The following PRR30 variants were observed in gnomAD, a reference collection of about 807,000 sequenced individuals.
The protein encoded by PRR30 is proline-rich protein 30.
For synonymous variants in PRR30, 229 were observed against 222.7 expected (o/e 1.03, Z -0.25); for missense variants, 546 against 525.3 (o/e 1.04, Z -0.39).
rs1672517591 is a variant in PRR30 at position 27,136,857 on chromosome 2, G to C, written c.*234C>G. On this transcript the variant is annotated 3_prime_UTR_variant, in exon 3 of 3. Transcript: ENST00000335524. Reference sequence around the variant, plus strand: ...AGGACGCAAACACAAGTTTCACAGGGTCAGACTTTATTAGATACACGGAGG... The same window carrying C: ...AGGACGCAAACACAAGTTTCACAGGCTCAGACTTTATTAGATACACGGAGG... 3.2e-6 allele frequency: 2 copies of C among 616,400 alleles called. No individual in the cohort carries two copies. Among genetic ancestry groups the C allele is most frequent in the Non-Finnish European group, 2.8e-6 (1 of 357,254 alleles). 38.2% of individuals were successfully genotyped at this position (616,400 alleles called of 1,614,324 possible). A position where few individuals can be genotyped will look rare whatever the true frequency, so the allele number is the denominator to read the frequency against.
At position 27,137,719 on chromosome 2, in the gene PRR30, T is replaced by G; in HGVS notation, c.611A>C (p.Gln204Pro). ...RCVPSEKDPA[Q>P]FRDPGALAQA... is the part of the protein sequence containing the mutation. The stretch of plus-strand genomic sequence containing the variant: ...GGCCAGGGCCCCTGGGTCCCTGAAC[T>G]GTGCAGGATCCTTCTCGCTTGGCAC... Residue 204 changes from glutamine to proline, a missense_variant, in exon 3 of 3, where the codon CAG becomes CCG. Coordinates refer to ENST00000335524, the MANE Select transcript of PRR30 (RefSeq NM_178553.4). The surrounding 1 kb of genome is among the most constrained non-coding windows in gnomAD (Gnocchi z 4.3). The G allele has an allele frequency of 6.2e-7, 1 of 1,613,996 alleles. No homozygotes were observed. The highest frequency in any genetic ancestry group is 8.5e-7 in the Non-Finnish European group (1 of 1,180,026).
In PRR30 at chr2:27,138,092, A is replaced by G. The variant is rs1672548998; in HGVS notation, c.238T>C (p.Ser80Pro). The G allele has an allele frequency of 6.2e-7, 1 of 1,613,912 alleles. No individual in the cohort carries two copies. Among genetic ancestry groups the G allele is most frequent in the South Asian group, 1.1e-5 (1 of 91,072 alleles). Reference sequence around the variant, plus strand: ...GAATAGGGATGTGGAGCAAAGTCAGAATTTGAGTCACAAGAGCCGAATTGG... The same window carrying G: ...GAATAGGGATGTGGAGCAAAGTCAGGATTTGAGTCACAAGAGCCGAATTGG... ...GFQFGSCDSN[S>P]DFAPHPYSPS... Residue 80 changes from serine to proline, a missense_variant, in exon 3 of 3, where the codon TCT becomes CCT. By Grantham distance (74) the Ser-to-Pro change is moderately conservative. Transcript: ENST00000335524.
Position 27,138,296 on chromosome 2 carries a change from G to A in PRR30, c.34C>T (p.Gln12Ter), listed in dbSNP as rs367907710. Reference protein sequence around the residue: ...LPQNKDQVLPQTSVLPGRPTW... With the variant: ...LPQNKDQVLP ...GGGCGCCCAGGGAGCACTGAGGTCT[G>A]TGGCAGCACCTGGTCCTTGTTTTGA... Residue 12 changes from glutamine (Q) to a stop codon, truncating the protein, a stop_gained, in exon 3 of 3, where the codon CAG becomes TAG. Transcript: ENST00000335524. LOFTEE classifies it low-confidence loss of function (END_TRUNC). 6.0e-5 allele frequency: 97 copies of A among 1,609,386 alleles called. No homozygotes were observed. The highest frequency in any genetic ancestry group is 2.2e-5 in the Non-Finnish European group (26 of 1,177,710).
rs1254304577 is a variant in PRR30 at position 27,137,074 on chromosome 2, C to A, written c.*17G>T. ...GGTTTGGAGGGGGTGTTCCAGGGGG[C>A]CTCCGTGGCTCTGGAACTAGACTGA... is the stretch of plus-strand genomic sequence containing the variant. On this transcript the variant is annotated 3_prime_UTR_variant, in exon 3 of 3. Transcript: ENST00000335524. This position sits in a 1 kb window ranked among gnomAD's most constrained non-coding sequence, Gnocchi z 4.3. The A allele has an allele frequency of 1.2e-6, 2 of 1,606,914 alleles. No individual in the cohort carries two copies. Among genetic ancestry groups the A allele is most frequent in the South Asian group, 1.1e-5 (1 of 90,812 alleles).
In PRR30 at chr2:27,137,841, G is replaced by A. The variant is rs745593024; in HGVS notation, c.489C>T (p.Ser163=). ...TAGAGTGGAGCCTATGAGAAGGTGGGCTGGGGCCTGGGGAAGTGAGTGTGG... is the reference window on the plus strand; with the variant it reads ...TAGAGTGGAGCCTATGAGAAGGTGGACTGGGGCCTGGGGAAGTGAGTGTGG... ...HSSTLTSPGP[S]PPSHRLHSNR... is the part of the protein sequence containing the mutation. Residue 163 remains serine (S), a synonymous_variant, in exon 3 of 3, where the codon AGC becomes AGT. Transcript: ENST00000335524. The surrounding 1 kb of genome is among the most constrained non-coding windows in gnomAD (Gnocchi z 4.3). The A allele has an allele frequency of 6.3e-7, 1 of 1,596,680 alleles. No individual in the cohort carries two copies. The highest frequency in any genetic ancestry group is 1.1e-5 in the South Asian group (1 of 89,180).
rs775814488 is a variant in PRR30 at position 27,137,663 on chromosome 2, G to A, written c.667C>T (p.Arg223Cys). The change falls in exon 3 of 3, where the codon CGC becomes TGC. Residue 223 changes from arginine (R) to cysteine (C), a missense_variant. Coordinates refer to ENST00000335524, the MANE Select transcript of PRR30 (RefSeq NM_178553.4). The surrounding 1 kb of genome is among the most constrained non-coding windows in gnomAD (Gnocchi z 4.3). ...AGTAGCCGCAGGTCGTGTGCGATGC[G>A]GCGGTGCCCCAGCTGGACCACCAGG... ...QALVVQLGHR[R>C]IAHDLRLLLL... is the part of the protein sequence containing the mutation. The A allele has an allele frequency of 6.8e-5, 109 of 1,613,006 alleles. 1 individual carries two copies. Among genetic ancestry groups the A allele is most frequent in the Non-Finnish European group, 8.6e-5 (102 of 1,179,940 alleles).
In PRR30 at chr2:27,137,918, GGGA is replaced by G. The variant is rs752358736; in HGVS notation, c.409_411del (p.Ser137del). 1 of 1,609,394 alleles carries G rather than the reference GGGA, an allele frequency of 6.2e-7. No homozygotes were observed. Among genetic ancestry groups the G allele is most frequent in the South Asian group, 1.1e-5 (1 of 90,460 alleles). On this transcript the variant is annotated inframe_deletion, in exon 3 of 3. Transcript: ENST00000335524. The surrounding 1 kb of genome is among the most constrained non-coding windows in gnomAD (Gnocchi z 4.3). Reference sequence around the variant, plus strand: ...GGGGACTGGCAAGGTGAGTGGGGAAGGGAGGAGTTCTGAGGCTGGGAGGGAGAA... The same window carrying G: ...GGGGACTGGCAAGGTGAGTGGGGAAGGGAGTTCTGAGGCTGGGAGGGAGAA...
chr2:27,138,197 G>GGA lies in PRR30; in HGVS notation c.131_132dup (p.Pro45SerfsTer81), dbSNP rs754132727. ...GAAGAGAACGGTGGTTGAGAGGGAG[G>GGA]GAGGCCCTGATGGGGAGAGAGAGGC... is the stretch of plus-strand genomic sequence containing the variant. On this transcript the variant is annotated frameshift_variant, in exon 3 of 3. Transcript: ENST00000335524. LOFTEE classifies it low-confidence loss of function (END_TRUNC). 4 of 1,613,866 alleles carry GGA rather than the reference G, an allele frequency of 2.5e-6. No homozygotes were observed. The African/African-American group carries it at 4.0e-5, about 16-fold the overall frequency.
chr2:27,136,982 C>A lies in PRR30; in HGVS notation c.*109G>T, dbSNP rs1672520669. 7.0e-7 allele frequency: 1 copy of A among 1,434,578 alleles called. No homozygotes were observed. The highest frequency in any genetic ancestry group is 1.4e-5 in the African/African-American group (1 of 69,792). 88.9% of individuals were successfully genotyped at this position (1,434,578 alleles called of 1,614,324 possible). On this transcript the variant is annotated 3_prime_UTR_variant, in exon 3 of 3. Coordinates refer to ENST00000335524, the MANE Select transcript of PRR30 (RefSeq NM_178553.4). ...CAGAGCAGGAGAACACACCTGACCT[C>A]CGGCCAGCCAGCCCTTCAGGGTGTC...
At chr2:27,139,055 G>T (rs1672562628) in intron 1 of PRR30, 33 bp from the exon 2 acceptor site, 2 of 152,520 alleles carry the variant, frequency 1.3e-5, no homozygotes, top group South Asian at 4.1e-4. Flanking sequence ...CCAAATGGTG[G>T]ATACACCTTT....
chr2:27,138,376 G>T lies in PRR30; in HGVS notation c.-47C>A. 6.5e-7 allele frequency: 1 copy of T among 1,541,976 alleles called. No homozygotes were observed. Among genetic ancestry groups the T allele is most frequent in the South Asian group, 1.3e-5 (1 of 79,374 alleles). On this transcript the variant is annotated 5_prime_UTR_variant, in exon 3 of 3. Transcript: ENST00000335524. Reference sequence around the variant, plus strand: ...TGGGGCAACAAGACTAGGGATAAGAGACCTGGCAGAGTCAGGACCAGTATC... The same window carrying T: ...TGGGGCAACAAGACTAGGGATAAGATACCTGGCAGAGTCAGGACCAGTATC...
In PRR30 at chr2:27,137,180, G is replaced by C. The variant is rs961604625; in HGVS notation, c.1150C>G (p.Gln384Glu). 1.2e-6 allele frequency: 2 copies of C among 1,614,226 alleles called. No individual in the cohort carries two copies. Among genetic ancestry groups the C allele is most frequent in the Non-Finnish European group, 1.7e-6 (2 of 1,180,036 alleles). ...FSGPPPRAPK[Q>E]VTTSLKPRPC... The stretch of plus-strand genomic sequence containing the variant: ...CTGGGCTTCAGGGAGGTAGTGACCT[G>C]TTTTGGTGCCCGAGGTGGAGGCCCG... Residue 384 changes from glutamine to glutamate, a missense_variant, in exon 3 of 3, where the codon CAG becomes GAG. By Grantham distance (29) the Gln-to-Glu change is conservative (BLOSUM62 2). Coordinates refer to ENST00000335524, the MANE Select transcript of PRR30 (RefSeq NM_178553.4). The surrounding 1 kb of genome is among the most constrained non-coding windows in gnomAD (Gnocchi z 4.3).
chr2:27,137,032 C>A lies in PRR30; in HGVS notation c.*59G>T. On this transcript the variant is annotated 3_prime_UTR_variant, in exon 3 of 3. Coordinates refer to ENST00000335524, the MANE Select transcript of PRR30 (RefSeq NM_178553.4). This position sits in a 1 kb window ranked among gnomAD's most constrained non-coding sequence, Gnocchi z 4.3. Reference sequence around the variant, plus strand: ...CTCGGGGACTCCCCGAGATCTGGGGCCTGGTTGGGAGGGTTGGGTTTGGAG... The same window carrying A: ...CTCGGGGACTCCCCGAGATCTGGGGACTGGTTGGGAGGGTTGGGTTTGGAG... 1 of 1,567,498 alleles carries A rather than the reference C, an allele frequency of 6.4e-7. No individual in the cohort carries two copies. The highest frequency in any genetic ancestry group is 8.6e-7 in the Non-Finnish European group (1 of 1,157,386).
rs968306645 is a variant in PRR30, at chr2:27,139,289, C to G, written c.-419+14G>C. ...CTGATGTCCTCTAGCTCACCCTGGC[C>G]CAGACAGAGATACCTTATTATACCC... On this transcript the variant is annotated intron_variant, in intron 1 of 2. Coordinates refer to ENST00000335524, the MANE Select transcript of PRR30 (RefSeq NM_178553.4). The G allele has an allele frequency of 1.3e-5, 2 of 152,372 alleles. No individual in the cohort carries two copies. Among genetic ancestry groups the G allele is most frequent in the Non-Finnish European group, 2.9e-5 (2 of 68,110 alleles). The allele number at this position is 152,372 out of a possible 1,614,324, so 9.4% of individuals were successfully genotyped here. A position where few individuals can be genotyped will look rare whatever the true frequency, so the allele number is the denominator to read the frequency against.
chr2:27,137,466 T>A lies in PRR30; in HGVS notation c.864A>T (p.Glu288Asp). 6.2e-7 allele frequency: 1 copy of A among 1,611,212 alleles called. No homozygotes were observed. The highest frequency in any genetic ancestry group is 8.5e-7 in the Non-Finnish European group (1 of 1,178,986). Reference sequence around the variant, plus strand: ...CGATGCCTATCCGGAGTGGCCCAGATTCCTGGCCCTGCACACAGGGCAGTA... The same window carrying A: ...CGATGCCTATCCGGAGTGGCCCAGAATCCTGGCCCTGCACACAGGGCAGTA... ...PQLLPCVQGQ[E>D]SGPLRIGIGF... Residue 288 changes from glutamate to aspartate, a missense_variant, in exon 3 of 3, where the codon GAA becomes GAT. Physicochemically the swap from Glu to Asp is conservative, Grantham distance 45. Transcript: ENST00000335524. The surrounding 1 kb of genome is among the most constrained non-coding windows in gnomAD (Gnocchi z 4.3).
Position 27,137,444 on chromosome 2 carries a change from T to C in PRR30, c.886A>G (p.Ile296Val). 4 of 1,612,760 alleles carry C rather than the reference T, an allele frequency of 2.5e-6. No individual in the cohort carries two copies. The highest frequency in any genetic ancestry group is 3.4e-6 in the Non-Finnish European group (4 of 1,179,790). Residue 296 changes from isoleucine to valine, a missense_variant, in exon 3 of 3, where the codon ATC becomes GTC. Transcript: ENST00000335524. This position sits in a 1 kb window ranked among gnomAD's most constrained non-coding sequence, Gnocchi z 4.3. ...GQESGPLRIG[I>V]GFGLRLPQGQ... ...TGAGGCAGGCGGAGGCCGAAGCCGA[T>C]GCCTATCCGGAGTGGCCCAGATTCC...
Position 27,138,291 on chromosome 2 carries a change from G to T in PRR30, c.39C>A (p.Thr13=). 6.2e-7 allele frequency: 1 copy of T among 1,610,192 alleles called. No individual in the cohort carries two copies. Among genetic ancestry groups the T allele is most frequent in the South Asian group, 1.1e-5 (1 of 90,970 alleles). Residue 13 remains threonine (T), a synonymous_variant, in exon 3 of 3, where the codon ACC becomes ACA. Transcript: ENST00000335524. ...PQNKDQVLPQ[T]SVLPGRPTWG... is the part of the protein sequence containing the mutation. Reference sequence around the variant, plus strand: ...AAGTGGGGCGCCCAGGGAGCACTGAGGTCTGTGGCAGCACCTGGTCCTTGT... The same window carrying T: ...AAGTGGGGCGCCCAGGGAGCACTGATGTCTGTGGCAGCACCTGGTCCTTGT...
At position 27,137,400 on chromosome 2, in the gene PRR30, C is replaced by G; in HGVS notation, c.930G>C (p.Leu310Phe). Residue 310 changes from leucine (L) to phenylalanine (F), a missense_variant, in exon 3 of 3, where the codon TTG becomes TTC. Physicochemically the swap from Leu to Phe is conservative, Grantham distance 22. Coordinates refer to ENST00000335524, the MANE Select transcript of PRR30 (RefSeq NM_178553.4). The surrounding 1 kb of genome is among the most constrained non-coding windows in gnomAD (Gnocchi z 4.3). ...LRLPQGQARA[L>F]HLLPEKRPKE... The stretch of plus-strand genomic sequence containing the variant: ...TCGGCCTTTTCTCGGGCAGCAGATG[C>G]AAGGCCCTGGCCTGGCCCTGAGGCA... 1 of 1,613,754 alleles carries G rather than the reference C, an allele frequency of 6.2e-7. No homozygotes were observed. The highest frequency in any genetic ancestry group is 8.5e-7 in the Non-Finnish European group (1 of 1,180,014).
chr2:27,137,175 G>A lies in PRR30; in HGVS notation c.1155C>T (p.Val385=), dbSNP rs1468493359. The change falls in exon 3 of 3, where the codon GTC becomes GTT. Residue 385 remains valine, a synonymous_variant. Transcript: ENST00000335524. This position sits in a 1 kb window ranked among gnomAD's most constrained non-coding sequence, Gnocchi z 4.3. ...SGPPPRAPKQ[V]TTSLKPRPCP... ...AAGGCCTGGGCTTCAGGGAGGTAGT[G>A]ACCTGTTTTGGTGCCCGAGGTGGAG... 2 of 1,614,210 alleles carry A rather than the reference G, an allele frequency of 1.2e-6. No individual in the cohort carries two copies. The highest frequency in any genetic ancestry group is 3.3e-5 in the Admixed American group (2 of 60,034).
Sources: allele counts gnomAD v4.1 joint callset, GRCh38; gene constraint gnomAD v4.1.1; non-coding constraint Gnocchi (gnomAD v3.1); transcripts MANE v1.5; gene names NCBI Gene and HGNC (gene_info 2026-07-23, HGNC 2026-07-21).